The following TMPRSS11A variants were observed in gnomAD, a reference collection of about 807,000 sequenced individuals.
The protein encoded by TMPRSS11A is transmembrane serine protease 11A.
Under a neutral mutation model 58.9 loss-of-function variants are expected in TMPRSS11A, and 53 were observed. The ratio of observed to expected loss-of-function variants is 0.90; its 90% CI spans 0.72 to 1.13. The LOEUF (loss-of-function observed/expected upper bound fraction) is 1.13, where lower values mean the gene tolerates loss of function less well. Among genes scored for constraint, TMPRSS11A ranks in the 50% most tolerant of loss-of-function variants. The probability of loss-of-function intolerance (pLI) is 0.00; values close to 1 mark genes in which losing one functional copy is unlikely to be tolerated. For synonymous variants in TMPRSS11A, 167 were observed against 169.8 expected (o/e 0.98, Z 0.13); for missense variants, 493 against 499.3 (o/e 0.99, Z 0.12).
At chr4:67,952,606 A>C (rs1721191053) in intron 1 of TMPRSS11A, among the ~76,000 whole-genome samples, 1 of 152,202 alleles carries the variant, frequency 6.6e-6, no homozygotes, top group Admixed American at 6.5e-5. Context: ...ATGGTGGCCA[A>C]AGTAATGTCA....
intron 6 of TMPRSS11A, among the ~76,000 whole-genome samples, chr4:67,923,235 A>ATC (rs1720379471): frequency 6.6e-6 from 1 of 152,112 alleles, no homozygotes; most frequent in African/African-American, 2.4e-5. Context: ...TGGAATTCTA[A>ATC]TTTTAGAGCA....
In TMPRSS11A at chr4:67,910,401, C is replaced by T. The variant is rs868208516; in HGVS notation, c.*941G>A. The T allele has an allele frequency of 3.3e-5, 5 of 151,964 alleles. No homozygotes were observed. The highest frequency in any genetic ancestry group is 5.9e-5 in the Non-Finnish European group (4 of 67,916). 9.4% of individuals were successfully genotyped at this position (151,964 alleles called of 1,614,324 possible). The stretch of plus-strand genomic sequence containing the variant: ...CGAGGGCATAAAATTTTTCTTGCTA[C>T]GGAGGAACATAATGTTCTTTGATTT... On this transcript the variant is annotated 3_prime_UTR_variant, in exon 10 of 10. Coordinates refer to ENST00000508048, the MANE Select transcript of TMPRSS11A (RefSeq NM_001114387.2).
chr4:67,917,322 T>G (rs1430758330), intron 8 of TMPRSS11A, among the ~76,000 whole-genome samples: 1 of 152,166 alleles, frequency 6.6e-6, no homozygotes, highest in African/African-American at 2.4e-5. Flanking sequence ...TTTCATTTAG[T>G]TCTATTTGTT....
chr4:67,924,425 A>G (rs191279730), intron 5 of TMPRSS11A, among the ~76,000 whole-genome samples: 1 of 152,334 alleles, frequency 6.6e-6, no homozygotes, highest in Admixed American at 6.5e-5. Context: ...AAAGCCCACA[A>G]ATAGTTTGTA....
chr4:67,912,194 A>C (rs1326159595), intron 9 of TMPRSS11A, among the ~76,000 whole-genome samples: 1 of 152,138 alleles, frequency 6.6e-6, no homozygotes, highest in Non-Finnish European at 1.5e-5. Context: ...AGATCTACCA[A>C]CACCTCACAA....
intron 3 of TMPRSS11A, among the ~76,000 whole-genome samples, chr4:67,940,975 T>C (rs1417648360): frequency 6.6e-6 from 1 of 152,170 alleles, no homozygotes; most frequent in Admixed American, 6.5e-5. Context: ...GCCATGCTTC[T>C]CCACCTGCAG....
intron 7 of TMPRSS11A, among the ~76,000 whole-genome samples, chr4:67,921,728 T>G (rs1350057486): frequency 6.6e-6 from 1 of 152,210 alleles, no homozygotes; most frequent in Non-Finnish European, 1.5e-5. Flanking sequence ...AAAAAGAATG[T>G]GAAAAGATCT....
In TMPRSS11A at chr4:67,915,375, A is replaced by G. The variant is rs190241041; in HGVS notation, c.953-645T>C. Among the ~76,000 whole-genome samples, 50 of 152,252 alleles carry G rather than the reference A, an allele frequency of 3.3e-4. 1 individual carries two copies. Among genetic ancestry groups the G allele is most frequent in the Middle Eastern group, 3.4e-3 (1 of 292 alleles). On this transcript the variant is annotated intron_variant, in intron 8 of 9. Coordinates refer to ENST00000508048, the MANE Select transcript of TMPRSS11A (RefSeq NM_001114387.2). ...ATTCAGGGATTCTTTATACCAAACC[A>G]TATATTGATTGGGAAACCATGACCC...
chr4:67,953,041 A>G (rs1721202493), intron 1 of TMPRSS11A, among the ~76,000 whole-genome samples: 1 of 152,150 alleles, frequency 6.6e-6, no homozygotes, highest in Non-Finnish European at 1.5e-5. Context: ...ATCAGGCATT[A>G]GATTCTCATA....
Position 67,918,973 on chromosome 4 carries a change from C to G in TMPRSS11A, c.952G>C (p.Gly318Arg). The change falls in exon 8 of 10, where the codon GGG becomes CGG. Residue 318 changes from glycine (G) to arginine (R), a missense_variant and splice_region_variant. Transcript: ENST00000508048. The stretch of plus-strand genomic sequence containing the variant: ...CTGTTAGCTATCCTGAGATACCCAC[C>G]ACCATAGTAAAGTGCTCCAAATCCT... Reference protein sequence around the residue: ...ITGFGALYYGGESQNDLREAR... With the variant: ...ITGFGALYYGRESQNDLREAR... 6.2e-7 allele frequency: 1 copy of G among 1,614,040 alleles called. No individual in the cohort carries two copies. The highest frequency in any genetic ancestry group is 8.5e-7 in the Non-Finnish European group (1 of 1,179,966).
chr4:67,949,894 C>A (rs1033856106), intron 1 of TMPRSS11A, among the ~76,000 whole-genome samples: 4 of 152,122 alleles, frequency 2.6e-5, no homozygotes, highest in Non-Finnish European at 4.4e-5. Context: ...CTGCAGAGGC[C>A]ATATTAGTCA....
At chr4:67,915,806 G>C (rs1374558419) in intron 8 of TMPRSS11A, among the ~76,000 whole-genome samples, 1 of 152,180 alleles carries the variant, frequency 6.6e-6, no homozygotes, top group Non-Finnish European at 1.5e-5. Flanking sequence ...TTACAGTTTG[G>C]TGAGACCCTG....
intron 4 of TMPRSS11A, 52 bp from the exon 5 acceptor site, chr4:67,930,092 CCTTCAGTCTT>C: frequency 6.5e-7 from 1 of 1,541,724 alleles, no homozygotes; most frequent in Non-Finnish European, 8.8e-7. Flanking sequence ...CTGGAATTGT[CCTTCAGTCTT>C]ACCTGTATCT....
intron 5 of TMPRSS11A, among the ~76,000 whole-genome samples, chr4:67,925,628 C>T (rs1002219075): frequency 1.3e-5 from 2 of 152,188 alleles, no homozygotes; most frequent in African/African-American, 2.4e-5. Flanking sequence ...TCAGGACCAT[C>T]GATTGCTGTT....
intron 4 of TMPRSS11A, 31 bp from the exon 5 acceptor site, chr4:67,930,071 AAAG>A (rs775905320): frequency 3.5e-5 from 55 of 1,588,918 alleles, no homozygotes; most frequent in Non-Finnish European, 4.6e-5. Context: ...GTACATTTTC[AAAG>A]AATACACCTG....
intron 2 of TMPRSS11A, among the ~76,000 whole-genome samples, chr4:67,945,663 T>A (rs1181022617): frequency 6.6e-6 from 1 of 152,084 alleles, no homozygotes; most frequent in Non-Finnish European, 1.5e-5. Flanking sequence ...GAGTCTTTGC[T>A]CCCCCATTGA....
intron 8 of TMPRSS11A, among the ~76,000 whole-genome samples, chr4:67,915,272 G>A (rs531411370): frequency 6.6e-6 from 1 of 152,278 alleles, no homozygotes; most frequent in South Asian, 2.1e-4. Flanking sequence ...GTTGGTGGCT[G>A]CAGACTGTAA....
intron 1 of TMPRSS11A, among the ~76,000 whole-genome samples, chr4:67,956,644 A>G (rs1721297568): frequency 6.6e-6 from 1 of 152,218 alleles, no homozygotes; most frequent in East Asian, 1.9e-4. Flanking sequence ...AATGATTCAA[A>G]TTTAGTAAGT....
intron 3 of TMPRSS11A, among the ~76,000 whole-genome samples, chr4:67,932,520 A>C (rs1025698503): frequency 9.9e-5 from 15 of 152,192 alleles, no homozygotes; most frequent in Admixed American, 4.6e-4. Context: ...TGGCAAAGTT[A>C]CTGAATCAAT....
Sources: gnomAD v4.1 joint callset for allele counts (sites outside exome capture counted in the v4.1 genomes callset) on GRCh38, gnomAD v4.1.1 for gene constraint, MANE v1.5 for transcripts, NCBI Gene and HGNC (gene_info 2026-07-23, HGNC 2026-07-21) for gene names.